Variants in RAB36 observed in about 807,000 individuals in gnomAD.
RAB36 encodes the protein RAB36, member RAS oncogene family.
In RAB36, 33 loss-of-function variants were observed where a neutral mutation model predicts 39.3. The ratio of observed to expected loss-of-function variants is 0.84; its 90% CI spans 0.64 to 1.12. The LOEUF is 1.12. Ranked by LOEUF, RAB36 falls within the 50% of genes most tolerant of loss-of-function variation. RAB36 has a pLI of 0.00. For synonymous variants in RAB36, 133 were observed against 140.2 expected (o/e 0.95, Z 0.36); for missense variants, 308 against 355.3 (o/e 0.87, Z 1.07).
Position 23,153,025 on chromosome 22 carries a change from C to A in RAB36, c.228-8C>A. ...ACACCCCTGTGACGACTTCCTCATC[C>A]CCCACAGGTTTTGCAAGAATGTTTT... On this transcript the variant is annotated splice_region_variant and splice_polypyrimidine_tract_variant and intron_variant, in intron 4 of 10. Transcript: ENST00000263116. The A allele has an allele frequency of 6.2e-7, 1 of 1,608,102 alleles. No homozygotes were observed. Among genetic ancestry groups the A allele is most frequent in the Non-Finnish European group, 8.5e-7 (1 of 1,174,678 alleles).
intron 9 of RAB36, 69 bp downstream of exon 9, chr22:23,159,322 C>T: frequency 7.1e-7 from 1 of 1,402,300 alleles, no homozygotes; most frequent in Non-Finnish European, 9.7e-7. Context: ...GTGGGGCCTG[C>T]CATGCAGTGT....
At position 23,162,342 on chromosome 22, in the gene RAB36, G is replaced by A. The variant is rs868675743; in HGVS notation, c.*778G>A. On this transcript the variant is annotated 3_prime_UTR_variant, in exon 11 of 11. Transcript: ENST00000263116. Reference sequence around the variant, plus strand: ...GTGCATTTACCTGTGTGCTGCGGGAGGCAGACTGCACAGCTGTCCTAGGGT... The same window carrying A: ...GTGCATTTACCTGTGTGCTGCGGGAAGCAGACTGCACAGCTGTCCTAGGGT... 71 of 310,392 alleles carry A rather than the reference G, an allele frequency of 2.3e-4. 1 individual carries two copies. In the Middle Eastern group the frequency reaches 4.6e-3, roughly 20 times the overall value. 19.2% of individuals were successfully genotyped at this position (310,392 alleles called of 1,614,324 possible). A position where few individuals can be genotyped will look rare whatever the true frequency, so the allele number is the denominator to read the frequency against.
At chr22:23,152,588 C>G (rs1473734264) in intron 4 of RAB36, 62 bp downstream of exon 4, 8 of 1,499,438 alleles carry the variant, frequency 5.3e-6, no homozygotes, top group Non-Finnish European at 7.4e-6. Flanking sequence ...ATACCTTTGC[C>G]TGGGTGGCCC....
At chr22:23,150,256 T>C (rs949387054) in intron 3 of RAB36, 102 bp downstream of exon 3, 18 of 952,226 alleles carry the variant, frequency 1.9e-5, no homozygotes, top group Non-Finnish European at 2.9e-5. Context: ...ACGAGGCTGG[T>C]GCAGCCCTGT....
At chr22:23,146,223 T>G (rs974660225) in intron 1 of RAB36, among the ~76,000 whole-genome samples, 2 of 152,198 alleles carry the variant, frequency 1.3e-5, no homozygotes, top group East Asian at 3.8e-4. Flanking sequence ...TATTTATAAT[T>G]CTTGAGACAA....
chr22:23,157,956 G>T (rs767380502), intron 6 of RAB36, 36 bp from the exon 7 acceptor site: 24 of 1,613,748 alleles, frequency 1.5e-5, no homozygotes, highest in Middle Eastern at 1.6e-4. Flanking sequence ...GCCTCGCCTG[G>T]CACTGATTGG....
rs1319513254 is a variant in RAB36, at chr22:23,162,061, C to T, written c.*497C>T. ...AAGGAGAGGCCACCTGCCATTCCCC[C>T]TGGGAGTTTTCTGTTGTCAGCAGGA... is the stretch of plus-strand genomic sequence containing the variant. On this transcript the variant is annotated 3_prime_UTR_variant, in exon 11 of 11. Transcript: ENST00000263116. The T allele has an allele frequency of 5.9e-6, 1 of 169,298 alleles. No individual in the cohort carries two copies. The highest frequency in any genetic ancestry group is 1.3e-5 in the Non-Finnish European group (1 of 78,488). The allele number at this position is 169,298 out of a possible 1,614,324, so 10.5% of individuals were successfully genotyped here.
intron 3 of RAB36, among the ~76,000 whole-genome samples, chr22:23,152,112 C>T (rs1371838897): frequency 1.3e-5 from 2 of 152,236 alleles, no homozygotes; most frequent in East Asian, 3.8e-4. Flanking sequence ...ACAGCACAGA[C>T]GTGCCCACGG....
In RAB36 at chr22:23,146,671, G is replaced by T; in HGVS notation, c.55G>T (p.Ala19Ser). ...CCCTGTGAGCCGCGACCGTGTCATC[G>T]CCAGCTTCCCTAAGGTAGAGAGTCA... is the stretch of plus-strand genomic sequence containing the variant. Reference protein sequence around the residue: ...GPPVSRDRVIASFPKWYTPEA... With the variant: ...GPPVSRDRVISSFPKWYTPEA... Residue 19 changes from alanine to serine, a missense_variant, in exon 2 of 11, where the codon GCC becomes TCC. Coordinates refer to ENST00000263116, the MANE Select transcript of RAB36 (RefSeq NM_004914.5). 6.2e-7 allele frequency: 1 copy of T among 1,613,804 alleles called. No individual in the cohort carries two copies.
rs1417694378 is a variant in RAB36, at chr22:23,157,984, G to A, written c.395-8G>A. The stretch of plus-strand genomic sequence containing the variant: ...CTGATTGGCTGTTGGCTTTTTCCGG[G>A]TGTCTAGTGATCATCACGGCCTTTG... On this transcript the variant is annotated splice_region_variant and splice_polypyrimidine_tract_variant and intron_variant, in intron 6 of 10. Transcript: ENST00000263116. 4 of 1,614,056 alleles carry A rather than the reference G, an allele frequency of 2.5e-6. No homozygotes were observed. The highest frequency in any genetic ancestry group is 1.3e-5 in the African/African-American group (1 of 74,930).
rs776616565 is a variant in RAB36 at position 23,160,914 on chromosome 22, G to A, written c.655G>A (p.Ala219Thr). 36 of 1,613,878 alleles carry A rather than the reference G, an allele frequency of 2.2e-5. No individual in the cohort carries two copies. The highest frequency in any genetic ancestry group is 1.3e-4 in the Admixed American group (8 of 60,018). ...NVKAFFSRVAALAFEQSVLQD... is the reference protein window; with the variant it reads ...NVKAFFSRVATLAFEQSVLQD... Reference sequence around the variant, plus strand: ...GAAGGCATTCTTCAGCCGCGTAGCCGCCCTGGCATTCGAGCAGTCGGTGCT... The same window carrying A: ...GAAGGCATTCTTCAGCCGCGTAGCCACCCTGGCATTCGAGCAGTCGGTGCT... Residue 219 changes from alanine to threonine, a missense_variant, in exon 10 of 11, where the codon GCC becomes ACC. Ala to Thr is a moderately conservative substitution (Grantham distance 58, BLOSUM62 0). Transcript: ENST00000263116.
In RAB36 at chr22:23,150,107, C is replaced by T. The variant is rs765083424; in HGVS notation, c.114C>T (p.His38=). ...GTTTGCAGCTCAGGGAGCACTTCCA[C>T]GGGCAGGTCAGCGCTGCCTGCCAAC... ...EACLQLREHF[H]GQVSAACQRR... Residue 38 remains histidine, a synonymous_variant, in exon 3 of 11, where the codon CAC becomes CAT. Transcript: ENST00000263116. 9.3e-6 allele frequency: 15 copies of T among 1,612,390 alleles called. No individual in the cohort carries two copies. The highest frequency in any genetic ancestry group is 5.0e-5 in the Admixed American group (3 of 59,806).
rs2071998844 is a variant in RAB36, at chr22:23,164,743, C to A, written c.*3179C>A. Among the ~76,000 whole-genome samples, 1 of 152,144 alleles carries A rather than the reference C, an allele frequency of 6.6e-6. No homozygotes were observed. The highest frequency in any genetic ancestry group is 1.5e-5 in the Non-Finnish European group (1 of 68,018). ...TCTTCCCTGTTTCCCTGGACCCTTT[C>A]CTGCTCTCTGTCCATCTGTGTGTCC... On this transcript the variant is annotated 3_prime_UTR_variant, in exon 11 of 11. Coordinates refer to ENST00000263116, the MANE Select transcript of RAB36 (RefSeq NM_004914.5).
At position 23,161,653 on chromosome 22, in the gene RAB36, T is replaced by G; in HGVS notation, c.*89T>G. ...GGTGTGGAGACTGGAGCCCAAGCTC[T>G]GCAGCGTGTCGCCCTCAAGCTGTAG... On this transcript the variant is annotated 3_prime_UTR_variant, in exon 11 of 11. Coordinates refer to ENST00000263116, the MANE Select transcript of RAB36 (RefSeq NM_004914.5). 1 of 1,190,416 alleles carries G rather than the reference T, an allele frequency of 8.4e-7. No homozygotes were observed. Among genetic ancestry groups the G allele is most frequent in the Non-Finnish European group, 1.2e-6 (1 of 844,372 alleles). The allele number at this position is 1,190,416 out of a possible 1,614,324, so 73.7% of individuals were successfully genotyped here. A position where few individuals can be genotyped will look rare whatever the true frequency, so the allele number is the denominator to read the frequency against.
Position 23,158,890 on chromosome 22 carries a change from C to A in RAB36, c.447-8C>A. Reference sequence around the variant, plus strand: ...GTGAATCTCTCAGCCTCTCTCCTTACACTCCAGGCAGTGGTTGGAGGATGC... The same window carrying A: ...GTGAATCTCTCAGCCTCTCTCCTTAAACTCCAGGCAGTGGTTGGAGGATGC... On this transcript the variant is annotated splice_polypyrimidine_tract_variant and splice_region_variant and intron_variant, in intron 7 of 10. Transcript: ENST00000263116. The A allele has an allele frequency of 2.5e-6, 4 of 1,613,288 alleles. No individual in the cohort carries two copies. The highest frequency in any genetic ancestry group is 3.4e-6 in the Non-Finnish European group (4 of 1,179,240).
chr22:23,158,076 C>T, intron 7 of RAB36, 33 bp downstream of exon 7: 2 of 1,612,868 alleles, frequency 1.2e-6, no homozygotes, highest in Non-Finnish European at 1.7e-6. Context: ...CTGCAGTCTC[C>T]CTGGGCTCAG....
At chr22:23,150,434 G>A (rs528992306) in intron 3 of RAB36, among the ~76,000 whole-genome samples, 37 of 151,512 alleles carry the variant, frequency 2.4e-4, no homozygotes, top group Admixed American at 1.4e-3. Flanking sequence ...CCCGAGTAGC[G>A]GGGACTACAG....
At chr22:23,153,499 G>A in intron 5 of RAB36, 1 of 923,438 alleles carries the variant, frequency 1.1e-6, no homozygotes. Flanking sequence ...GCAGGTTGCT[G>A]CTGAGCTCTG....
chr22:23,158,503 C>T (rs1295252989), intron 7 of RAB36, among the ~76,000 whole-genome samples: 1 of 152,222 alleles, frequency 6.6e-6, no homozygotes, highest in East Asian at 1.9e-4. Context: ...TGCTGGGAAT[C>T]GGCCAGCTAC....
Sources: gnomAD v4.1 joint callset for allele counts (sites outside exome capture counted in the v4.1 genomes callset) on GRCh38, gnomAD v4.1.1 for gene constraint, MANE v1.5 for transcripts, NCBI Gene and HGNC (gene_info 2026-07-23, HGNC 2026-07-21) for gene names.